Variants in PTPRN2 observed in about 807,000 individuals in gnomAD.
The protein encoded by PTPRN2 is receptor-type tyrosine-protein phosphatase N2.
In PTPRN2, 74 loss-of-function variants were observed where a neutral mutation model predicts 118.8. The ratio of observed to expected loss-of-function variants is 0.62; its 90% CI spans 0.52 to 0.76. The LOEUF (loss-of-function observed/expected upper bound fraction) is 0.76. Among genes scored for constraint, PTPRN2 ranks in the 30% least tolerant of loss-of-function variants. The probability of loss-of-function intolerance (pLI) is 0.00; values close to 1 mark genes in which losing one functional copy is unlikely to be tolerated. For missense variants in PTPRN2, 1,481 were observed against 1,394.4 expected (o/e 1.06, Z -0.99); for synonymous variants, 641 against 608.0 (o/e 1.05, Z -0.80).
At chr7:158,226,491 G>T (rs1291129822) in intron 3 of PTPRN2, among the ~76,000 whole-genome samples, 8 of 152,114 alleles carry the variant, frequency 5.3e-5, no homozygotes, top group Non-Finnish European at 1.0e-4. Context: ...CCGTGGGAGG[G>T]GCAGGTGGAG....
At chr7:158,572,600 A>G (rs1828104829) in intron 1 of PTPRN2, among the ~76,000 whole-genome samples, 1 of 152,198 alleles carries the variant, frequency 6.6e-6, no homozygotes, top group Non-Finnish European at 1.5e-5. Flanking sequence ...ACACCTCTGG[A>G]AAACACTGAC....
chr7:157,724,921 T>A (rs571635289), intron 12 of PTPRN2, among the ~76,000 whole-genome samples: 1 of 152,350 alleles, frequency 6.6e-6, no homozygotes, highest in East Asian at 1.9e-4. Flanking sequence ...ACATGTTAAA[T>A]GGGACAGAGT....
chr7:158,083,533 G>C (rs1270933050), intron 10 of PTPRN2, among the ~76,000 whole-genome samples: 1 of 152,186 alleles, frequency 6.6e-6, no homozygotes, highest in African/African-American at 2.4e-5. Context: ...GGAGGTTCTT[G>C]GTTCCTCAGA....
chr7:157,925,448 C>T (rs7779164), intron 11 of PTPRN2, among the ~76,000 whole-genome samples: 91,746 of 151,704 alleles, frequency 0.6, 27,927 homozygotes, highest in African/African-American at 0.67. Context: ...ACATTTGCTA[C>T]GTCCAAATCA....
intron 14 of PTPRN2, among the ~76,000 whole-genome samples, chr7:157,630,602 A>G (rs1287885375): frequency 6.6e-6 from 1 of 152,206 alleles, no homozygotes; most frequent in African/African-American, 2.4e-5. Context: ...CAAACAAGCA[A>G]CTTGAGATGC....
Position 157,928,865 on chromosome 7 carries a change from G to C in PTPRN2, c.1724-30128C>G, listed in dbSNP as rs958132967. ...GGCAGTGCAGAGGATAGGATGGGGG[G>C]GTGGGACAGGGGGCAGGAGGGAGGG... On this transcript the variant is annotated intron_variant, in intron 11 of 22. Transcript: ENST00000389418. Among the ~76,000 whole-genome samples, 3 of 145,860 alleles carry C rather than the reference G, an allele frequency of 2.1e-5. No individual in the cohort carries two copies. The South Asian group carries it at 6.7e-4, about 33-fold the overall frequency.
intron 10 of PTPRN2, among the ~76,000 whole-genome samples, chr7:158,098,661 T>A (rs927751029): frequency 6.6e-6 from 1 of 152,044 alleles, no homozygotes. Context: ...AGTCCCACCA[T>A]TTTGCTGAGA....
At chr7:158,439,695 T>C (rs1329428933) in intron 2 of PTPRN2, among the ~76,000 whole-genome samples, 1 of 152,244 alleles carries the variant, frequency 6.6e-6, no homozygotes, top group Non-Finnish European at 1.5e-5. Flanking sequence ...ATTAAATGCA[T>C]CTTCCATAGA....
rs1376944130 is a variant in PTPRN2 at position 157,560,453 on chromosome 7, G to A, written c.2902+8449C>T. 6.6e-6 allele frequency among the ~76,000 whole-genome samples: 1 copy of A among 152,160 alleles called. No homozygotes were observed. The highest frequency in any genetic ancestry group is 1.9e-4 in the East Asian group (1 of 5,196). On this transcript the variant is annotated intron_variant, in intron 21 of 22. Transcript: ENST00000389418. The surrounding 1 kb of genome is among the most constrained non-coding windows in gnomAD (Gnocchi z 6.7). ...GGGTCCGCCTGTGCCCTGCCTGGGT[G>A]GGGTCAGCCACGCCCCCGGACCACT...
intron 2 of PTPRN2, among the ~76,000 whole-genome samples, chr7:158,476,379 A>G (rs1317935401): frequency 6.6e-6 from 1 of 152,242 alleles, no homozygotes; most frequent in Non-Finnish European, 1.5e-5. Flanking sequence ...ACCAGATAGC[A>G]CCAAATTCAA....
At chr7:157,790,865 A>G (rs1248964598) in intron 12 of PTPRN2, among the ~76,000 whole-genome samples, 2 of 152,196 alleles carry the variant, frequency 1.3e-5, no homozygotes, top group Non-Finnish European at 2.9e-5. Context: ...GGTGAAGCTC[A>G]GGGGAAGACA....
intron 5 of PTPRN2, among the ~76,000 whole-genome samples, chr7:158,173,014 C>T (rs1305350107): frequency 2.0e-5 from 3 of 150,924 alleles, no homozygotes; most frequent in Admixed American, 6.6e-5. Flanking sequence ...ATATCATCTT[C>T]ACCATCCATA....
chr7:158,033,547 C>T (rs940491246), intron 11 of PTPRN2, among the ~76,000 whole-genome samples: 1 of 152,048 alleles, frequency 6.6e-6, no homozygotes, highest in Admixed American at 6.6e-5. Context: ...TGAGTGGGGG[C>T]TCTGAGCCGT....
chr7:157,855,438 C>T (rs1809638923), intron 12 of PTPRN2, among the ~76,000 whole-genome samples: 1 of 152,236 alleles, frequency 6.6e-6, no homozygotes, highest in Non-Finnish European at 1.5e-5. Flanking sequence ...CCTCTGGGGA[C>T]CTTTTGAAGC....
At chr7:158,395,008 A>G (rs10949724) in intron 2 of PTPRN2, among the ~76,000 whole-genome samples, 148,172 of 152,314 alleles carry the variant, frequency 0.97, 72,103 homozygotes, top group African/African-American at 0.99. Flanking sequence ...ACCTGGGCCA[A>G]CCAGCCCTTT....
intron 11 of PTPRN2, among the ~76,000 whole-genome samples, chr7:157,963,760 G>A (rs1335262902): frequency 6.6e-6 from 1 of 152,118 alleles, no homozygotes. Context: ...GCACCTCGGT[G>A]CTAGTCCACC....
chr7:157,863,432 C>T (rs1406675721), intron 12 of PTPRN2: 1 of 152,240 alleles, frequency 6.6e-6, no homozygotes, highest in East Asian at 1.9e-4. Flanking sequence ...AGGGTCAATC[C>T]TGGCCCATGC....
At position 157,674,634 on chromosome 7, in the gene PTPRN2, C is replaced by T. The variant is rs112619573; in HGVS notation, c.2001+8091G>A. Among the ~76,000 whole-genome samples the T allele has an allele frequency of 3.5e-3, 533 of 152,332 alleles. 7 individuals are homozygous for T. The highest frequency in any genetic ancestry group is 0.012 in the African/African-American group (506 of 41,568). ...CAGATAATGCCATTCACCACAGAGG[C>T]GCATTCTCTCTCGTGCCCATCAAGG... On this transcript the variant is annotated intron_variant, in intron 13 of 22. Coordinates refer to ENST00000389418, the MANE Select transcript of PTPRN2 (RefSeq NM_002847.5). This position sits in a 1 kb window ranked among gnomAD's most constrained non-coding sequence, Gnocchi z 4.5.
At position 157,977,028 on chromosome 7, in the gene PTPRN2, C is replaced by A. The variant is rs1802807407; in HGVS notation, c.1724-78291G>T. On this transcript the variant is annotated intron_variant, in intron 11 of 22. Transcript: ENST00000389418. The surrounding 1 kb of genome is among the most constrained non-coding windows in gnomAD (Gnocchi z 4.6). ...CAGAGGTATATGTAATTATGAAAAG[C>A]CATAAACACAGTAGTTTCCATGAAA... Among the ~76,000 whole-genome samples, 2 of 151,828 alleles carry A rather than the reference C, an allele frequency of 1.3e-5. No individual in the cohort carries two copies. The highest frequency in any genetic ancestry group is 4.8e-5 in the African/African-American group (2 of 41,382).
Sources: allele counts gnomAD v4.1 joint callset (sites outside exome capture counted in the v4.1 genomes callset), GRCh38; gene constraint gnomAD v4.1.1; non-coding constraint Gnocchi (gnomAD v3.1); transcripts MANE v1.5; gene names NCBI Gene and HGNC (gene_info 2026-07-23, HGNC 2026-07-21).